BAIAP2L1: variants seen among roughly 807,000 people sequenced by gnomAD.
The protein encoded by BAIAP2L1 is BAR/IMD domain containing adaptor protein 2 like 1, also known as BAR/IMD domain-containing adapter protein 2-like 1.
BAIAP2L1 carries 35 observed loss-of-function variants against 66.3 expected under a neutral mutation model. The observed-to-expected ratio is 0.53, with a 90% CI of 0.40 to 0.70. BAIAP2L1 has a LOEUF of 0.70. Ranked by LOEUF, BAIAP2L1 falls within the 30% of genes least tolerant of loss-of-function variation. The probability of loss-of-function intolerance (pLI) is 0.00; values close to 1 mark genes in which losing one functional copy is unlikely to be tolerated. For missense variants in BAIAP2L1, 622 were observed against 656.9 expected (o/e 0.95, Z 0.58); for synonymous variants, 269 against 248.7 (o/e 1.08, Z -0.77).
At chr7:98,389,478 C>T (rs1355075681) in intron 1 of BAIAP2L1, among the ~76,000 whole-genome samples, 2 of 152,014 alleles carry the variant, frequency 1.3e-5, no homozygotes, top group African/African-American at 2.4e-5. Context: ...ACCACCATGC[C>T]CGGCTGATTT....
intron 3 of BAIAP2L1, among the ~76,000 whole-genome samples, chr7:98,322,359 T>C (rs10808107): frequency 0.4 from 61,510 of 152,002 alleles, 13,396 homozygotes; most frequent in Middle Eastern, 0.55. Flanking sequence ...GACGTCCCAT[T>C]GGGCACACCT....
At chr7:98,297,757 C>T (rs959167518) in intron 12 of BAIAP2L1, among the ~76,000 whole-genome samples, 4 of 152,322 alleles carry the variant, frequency 2.6e-5, no homozygotes, top group Admixed American at 6.5e-5. Flanking sequence ...GTGACGCAAA[C>T]GAAGATGCGT....
intron 1 of BAIAP2L1, among the ~76,000 whole-genome samples, chr7:98,395,960 T>C (rs1321860177): frequency 6.6e-6 from 1 of 152,194 alleles, no homozygotes; most frequent in Non-Finnish European, 1.5e-5. Context: ...TATTTCAGTT[T>C]TGGGTATTAA....
At chr7:98,300,446 T>C (rs558845921) in intron 12 of BAIAP2L1, among the ~76,000 whole-genome samples, 5 of 152,314 alleles carry the variant, frequency 3.3e-5, no homozygotes, top group East Asian at 1.9e-4. Flanking sequence ...CGCAATGCTT[T>C]TGCAGTCTGC....
intron 3 of BAIAP2L1, among the ~76,000 whole-genome samples, chr7:98,341,443 G>A (rs1270358937): frequency 1.3e-5 from 2 of 152,276 alleles, no homozygotes; most frequent in African/African-American, 2.4e-5. Context: ...AGCACTCTGG[G>A]AGGCTGAGGT....
chr7:98,313,629 C>CT (rs1324051159), intron 7 of BAIAP2L1, among the ~76,000 whole-genome samples: 1 of 151,992 alleles, frequency 6.6e-6, no homozygotes, highest in Non-Finnish European at 1.5e-5. Flanking sequence ...TTTTCTTCTG[C>CT]TTTTTTGAGA....
chr7:98,389,684 C>G (rs370914354), intron 1 of BAIAP2L1, among the ~76,000 whole-genome samples: 1 of 152,000 alleles, frequency 6.6e-6, no homozygotes, highest in Non-Finnish European at 1.5e-5. Context: ...TCTTCTTGTC[C>G]CTGTTGTCAC....
intron 1 of BAIAP2L1, among the ~76,000 whole-genome samples, chr7:98,390,376 A>AAT (rs1200920535): frequency 6.6e-6 from 1 of 152,110 alleles, no homozygotes; most frequent in Admixed American, 6.6e-5. Context: ...ATTAAAACGG[A>AAT]ATATATATAT....
At chr7:98,319,876 G>A (rs553057775) in intron 5 of BAIAP2L1, among the ~76,000 whole-genome samples, 182 bp downstream of exon 5, 1 of 152,214 alleles carries the variant, frequency 6.6e-6, no homozygotes, top group East Asian at 1.9e-4. Flanking sequence ...AAGATCCCAA[G>A]TGTTAGCGAA....
intron 3 of BAIAP2L1, among the ~76,000 whole-genome samples, chr7:98,347,653 T>C (rs1801902080): frequency 6.6e-6 from 1 of 151,992 alleles, no homozygotes; most frequent in African/African-American, 2.4e-5. Flanking sequence ...CAGGCGCCTG[T>C]AGTCCCAGCT....
Position 98,331,021 on chromosome 7 carries a change from CT to C in BAIAP2L1, c.215-10724del, listed in dbSNP as rs376438281. Among the ~76,000 whole-genome samples, 363 of 152,160 alleles carry C rather than the reference CT, an allele frequency of 2.4e-3. 2 individuals are homozygous for C. The highest frequency in any genetic ancestry group is 8.4e-3 in the African/African-American group (349 of 41,502). ...AATTGGGAGGGGGCTGATATCCAAACTATATCAAATAGAAACTCAAAGATTC... is the reference window on the plus strand; with the variant it reads ...AATTGGGAGGGGGCTGATATCCAAACATATCAAATAGAAACTCAAAGATTC... On this transcript the variant is annotated intron_variant, in intron 3 of 13. Coordinates refer to ENST00000005260, the MANE Select transcript of BAIAP2L1 (RefSeq NM_018842.5).
At chr7:98,380,485 T>C (rs190778625) in intron 1 of BAIAP2L1, among the ~76,000 whole-genome samples, 4 of 152,158 alleles carry the variant, frequency 2.6e-5, no homozygotes. Context: ...CATCAGATCT[T>C]GTGAGACTTA....
At chr7:98,345,468 T>C (rs955875886) in intron 3 of BAIAP2L1, among the ~76,000 whole-genome samples, 1 of 152,122 alleles carries the variant, frequency 6.6e-6, no homozygotes, top group Non-Finnish European at 1.5e-5. Context: ...CTCACGCCTG[T>C]AATCCCAGCA....
At chr7:98,332,842 A>ATC (rs1801531361) in intron 3 of BAIAP2L1, among the ~76,000 whole-genome samples, 1 of 143,168 alleles carries the variant, frequency 7.0e-6, no homozygotes, top group South Asian at 2.2e-4. Context: ...GTTAGCTGGC[A>ATC]TCTCTCCTCA....
At chr7:98,325,316 C>A (rs959712858) in intron 3 of BAIAP2L1, among the ~76,000 whole-genome samples, 2 of 150,818 alleles carry the variant, frequency 1.3e-5, no homozygotes, top group Non-Finnish European at 2.9e-5. Flanking sequence ...GGCAGTGAGC[C>A]GAGATCAGGC....
At chr7:98,300,491 C>T (rs1209112022) in intron 12 of BAIAP2L1, among the ~76,000 whole-genome samples, 3 of 152,214 alleles carry the variant, frequency 2.0e-5, no homozygotes, top group Admixed American at 1.3e-4. Context: ...CAGATGACCG[C>T]GCCATGTCTT....
chr7:98,310,605 CTT>C lies in BAIAP2L1; in HGVS notation c.808-15_808-14del. 1 of 1,550,066 alleles carries C rather than the reference CTT, an allele frequency of 6.5e-7. No homozygotes were observed. Among genetic ancestry groups the C allele is most frequent in the Non-Finnish European group, 8.6e-7 (1 of 1,156,580 alleles). ...AATCTTTCCTAACCTGTGAAAAATTCTTTATTAGTCCAATATTAGTATAGTGC... is the reference window on the plus strand; with the variant it reads ...AATCTTTCCTAACCTGTGAAAAATTCTATTAGTCCAATATTAGTATAGTGC... On this transcript the variant is annotated splice_polypyrimidine_tract_variant and intron_variant, in intron 8 of 13. Transcript: ENST00000005260.
At chr7:98,312,301 G>C in intron 7 of BAIAP2L1, 37 bp from the exon 8 acceptor site, 1 of 1,567,284 alleles carries the variant, frequency 6.4e-7, no homozygotes, top group Non-Finnish European at 8.6e-7. Context: ...AGACAAAGAA[G>C]ATTGTCTGAA....
chr7:98,308,356 T>C, intron 9 of BAIAP2L1: 1 of 448,532 alleles, frequency 2.2e-6, no homozygotes, highest in South Asian at 1.6e-5. Flanking sequence ...CTTGCCATGC[T>C]GGCCGCTCAG....
Sources: gnomAD v4.1 joint callset for allele counts (sites outside exome capture counted in the v4.1 genomes callset) on GRCh38, gnomAD v4.1.1 for gene constraint, MANE v1.5 for transcripts, NCBI Gene and HGNC (gene_info 2026-07-23, HGNC 2026-07-21) for gene names.